Variants in FRMPD4 observed in about 807,000 individuals in gnomAD.
The protein encoded by FRMPD4 is FERM and PDZ domain-containing protein 4.
FRMPD4 carries 22 observed loss-of-function variants against 94.1 expected under a neutral mutation model. The ratio of observed to expected loss-of-function variants is 0.23; its 90% CI spans 0.17 to 0.33. FRMPD4 has a LOEUF of 0.33. FRMPD4 is among the 10% of genes least tolerant of loss of function. The pLI, the probability that FRMPD4 is intolerant of heterozygous loss-of-function variation, is 1.00. For missense variants in FRMPD4, 1,111 were observed against 1,339.9 expected, an observed-to-expected ratio of 0.83 and a Z score of 2.67; for synonymous variants, 631 against 548.6, an observed-to-expected ratio of 1.15 and a Z score of -2.10.
At chrX:12,163,242 T>A (rs2056054492) in intron 1 of FRMPD4, among the ~76,000 whole-genome samples, 1 of 110,658 alleles carries the variant, frequency 9.0e-6, no homozygotes, top group Non-Finnish European at 1.9e-5. Context: ...GTTGGTGAGA[T>A]TTTTCCAGGA....
intron 2 of FRMPD4, among the ~76,000 whole-genome samples, chrX:11,865,458 A>G (rs2053712781): frequency 8.9e-6 from 1 of 112,194 alleles, no homozygotes; most frequent in African/African-American, 3.2e-5. Context: ...CACAGCAAAG[A>G]CAACTATAAC....
At chrX:11,970,084 T>G (rs1160434957) in intron 3 of FRMPD4, among the ~76,000 whole-genome samples, 1 of 111,819 alleles carries the variant, frequency 8.9e-6, no homozygotes, top group Non-Finnish European at 1.9e-5. Flanking sequence ...AATTTTATGA[T>G]GCCTATTGGC....
chrX:11,970,145 T>C, intron 3 of FRMPD4, among the ~76,000 whole-genome samples: 1 of 112,080 alleles, frequency 8.9e-6, no homozygotes, highest in Non-Finnish European at 1.9e-5. Context: ...AGGTATGTAC[T>C]TTTCCAAAGC....
intron 4 of FRMPD4, among the ~76,000 whole-genome samples, chrX:12,621,476 C>T (rs1177605018): frequency 9.0e-5 from 9 of 100,253 alleles, no homozygotes; most frequent in African/African-American, 2.9e-4. Context: ...CAAGAGAACA[C>T]AGACCACCAA....
chrX:12,539,818 G>C (rs1016708704), intron 2 of FRMPD4, among the ~76,000 whole-genome samples: 1 of 111,262 alleles, frequency 9.0e-6, no homozygotes, highest in African/African-American at 3.3e-5. Flanking sequence ...ATTTTTAGTA[G>C]AGACGGGTTT....
At chrX:12,219,888 T>C (rs1167644880) in intron 1 of FRMPD4, among the ~76,000 whole-genome samples, 3 of 112,194 alleles carry the variant, frequency 2.7e-5, no homozygotes. Flanking sequence ...AAGCCTGTTA[T>C]CCCAGCACTT....
chrX:12,384,171 G>A (rs1056731259), intron 1 of FRMPD4, among the ~76,000 whole-genome samples: 1 of 111,735 alleles, frequency 8.9e-6, no homozygotes, highest in Admixed American at 9.4e-5. Context: ...TATCTTTATC[G>A]TATTGTAGAA....
intron 1 of FRMPD4, among the ~76,000 whole-genome samples, chrX:12,387,295 G>A (rs1356992745): frequency 8.9e-6 from 1 of 112,154 alleles, no homozygotes; most frequent in African/African-American, 3.2e-5. Context: ...TTAAACTTGC[G>A]TTAACACCAT....
chrX:12,470,619 T>TTA (rs1279528250), intron 1 of FRMPD4, among the ~76,000 whole-genome samples: 2 of 112,353 alleles, frequency 1.8e-5, no homozygotes, highest in African/African-American at 6.5e-5. Flanking sequence ...TAAACATGCT[T>TTA]TAATTCTGGT....
intron 1 of FRMPD4, among the ~76,000 whole-genome samples, chrX:12,409,801 G>C (rs1428112515): frequency 9.0e-6 from 1 of 111,671 alleles, no homozygotes; most frequent in East Asian, 2.8e-4. Context: ...AAATCATTTG[G>C]TATAATGACA....
At chrX:12,475,162 C>A (rs1166606999) in intron 1 of FRMPD4, among the ~76,000 whole-genome samples, 1 of 111,604 alleles carries the variant, frequency 9.0e-6, no homozygotes, top group Non-Finnish European at 1.9e-5. Flanking sequence ...TTCAACATAC[C>A]CAAATCAACA....
At chrX:12,203,830 G>A (rs185069198) in intron 1 of FRMPD4, among the ~76,000 whole-genome samples, 39 of 111,796 alleles carry the variant, frequency 3.5e-4, no homozygotes, top group African/African-American at 1.2e-3. Flanking sequence ...TTAAAGAAGC[G>A]AATCCATCTA....
chrX:12,348,418 A>G (rs1262866756), intron 1 of FRMPD4, among the ~76,000 whole-genome samples: 1 of 111,117 alleles, frequency 9.0e-6, no homozygotes, highest in Non-Finnish European at 1.9e-5. Flanking sequence ...TTCATTTCTC[A>G]TGCTAGAAGA....
intron 10 of FRMPD4, among the ~76,000 whole-genome samples, chrX:12,703,717 T>C (rs2041828123): frequency 8.9e-6 from 1 of 112,124 alleles, no homozygotes; most frequent in Admixed American, 9.5e-5. Context: ...GTTGTTGTTT[T>C]GTTGTACATC....
At chrX:11,888,165 T>G (rs1316004677) in intron 3 of FRMPD4, among the ~76,000 whole-genome samples, 1 of 112,227 alleles carries the variant, frequency 8.9e-6, no homozygotes, top group African/African-American at 3.2e-5. Flanking sequence ...GAAAATATTT[T>G]CCAAATAAAA....
intron 3 of FRMPD4, among the ~76,000 whole-genome samples, chrX:12,014,640 A>T (rs1569142792): frequency 8.9e-6 from 1 of 111,839 alleles, no homozygotes; most frequent in Non-Finnish European, 1.9e-5. Flanking sequence ...TTCAAAGAGG[A>T]AGGAGCAAAA....
At chrX:12,463,757 G>A (rs1347984632) in intron 1 of FRMPD4, among the ~76,000 whole-genome samples, 1 of 96,993 alleles carries the variant, frequency 1.0e-5, no homozygotes, top group Non-Finnish European at 2.0e-5. Context: ...TTATTTAGGA[G>A]ATGATTCCAG....
intron 3 of FRMPD4, among the ~76,000 whole-genome samples, chrX:12,093,002 G>A (rs946564307): frequency 1.8e-5 from 2 of 111,232 alleles, no homozygotes; most frequent in African/African-American, 6.5e-5. Flanking sequence ...GATATCTAGG[G>A]GGAAAAGTTC....
intron 2 of FRMPD4, among the ~76,000 whole-genome samples, chrX:12,513,618 A>G (rs1050576927): frequency 8.9e-5 from 10 of 112,117 alleles, no homozygotes; most frequent in African/African-American, 3.2e-4. Context: ...TGGTTACCGT[A>G]GCCTTACAAT....
Sources: gnomAD v4.1 joint callset for allele counts (sites outside exome capture counted in the v4.1 genomes callset) on GRCh38, gnomAD v4.1.1 for gene constraint, MANE v1.5 for transcripts, NCBI Gene and HGNC (gene_info 2026-07-23, HGNC 2026-07-21) for gene names.